PRLR: variants seen among roughly 807,000 people sequenced by gnomAD.
The protein encoded by PRLR is prolactin receptor.
In PRLR, 13 loss-of-function variants were observed where a neutral mutation model predicts 40.2. That is an observed-to-expected ratio of 0.32 (90% CI 0.21 to 0.51). The LOEUF (loss-of-function observed/expected upper bound fraction) is 0.51, where lower values mean the gene tolerates loss of function less well. Ranked by LOEUF, PRLR falls within the 20% of genes least tolerant of loss-of-function variation. PRLR has a pLI of 0.97. For synonymous variants in PRLR, 269 were observed against 278.7 expected (o/e 0.97, Z 0.35); for missense variants, 656 against 747.3 (o/e 0.88, Z 1.42).
intron 1 of PRLR, among the ~76,000 whole-genome samples, chr5:35,186,071 A>G (rs1775421539): frequency 6.6e-6 from 1 of 152,154 alleles, no homozygotes. Context: ...GATGTACCAC[A>G]TAGACCCTCG....
intron 2 of PRLR, among the ~76,000 whole-genome samples, chr5:35,117,793 G>C (rs1475996643): frequency 6.6e-6 from 1 of 152,192 alleles, no homozygotes; most frequent in African/African-American, 2.4e-5. Context: ...AATCTCTCAT[G>C]ATTGCACCAC....
chr5:35,173,987 C>T (rs1037701792), intron 1 of PRLR, among the ~76,000 whole-genome samples: 1 of 152,134 alleles, frequency 6.6e-6, no homozygotes, highest in Non-Finnish European at 1.5e-5. Flanking sequence ...CCTCCTTCCC[C>T]CCACCCCACA....
intron 2 of PRLR, among the ~76,000 whole-genome samples, chr5:35,117,640 G>A (rs1352901225): frequency 6.6e-6 from 1 of 152,114 alleles, no homozygotes; most frequent in Non-Finnish European, 1.5e-5. Context: ...AACATTACGG[G>A]GCCCAGAAAG....
rs755706838 is a variant in PRLR, at chr5:35,065,674, G to A, written c.1284C>T (p.Ser428=). The A allele has an allele frequency of 6.2e-7, 1 of 1,614,162 alleles. No homozygotes were observed. Among genetic ancestry groups the A allele is most frequent in the East Asian group, 2.2e-5 (1 of 44,878 alleles). Residue 428 remains serine, a synonymous_variant, in exon 10 of 10, where the codon TCC becomes TCT. Transcript: ENST00000618457. ...LPQPSQHNPR[S]SYHNITDVCE... Reference sequence around the variant, plus strand: ...ACACATCAGTAATATTGTGGTAAGAGGATCTGGGGTTGTGCTGGCTGGGCT... The same window carrying A: ...ACACATCAGTAATATTGTGGTAAGAAGATCTGGGGTTGTGCTGGCTGGGCT...
chr5:35,174,760 G>T (rs986288998), intron 1 of PRLR, among the ~76,000 whole-genome samples: 8 of 152,052 alleles, frequency 5.3e-5, no homozygotes, highest in African/African-American at 1.7e-4. Context: ...CTTTACCCTT[G>T]TGAACTCTTT....
rs767557761 is a variant in PRLR, at chr5:35,068,760, T to C, written c.785+19A>G. 7.1e-6 allele frequency: 11 copies of C among 1,542,760 alleles called. No individual in the cohort carries two copies. Among genetic ancestry groups the C allele is most frequent in the Admixed American group, 5.1e-5 (3 of 58,968 alleles). ...TGACTATCATGATTGGGAGGAAAAGTTGAGAGACAGTGAAGTACCTATAGC... is the reference window on the plus strand; with the variant it reads ...TGACTATCATGATTGGGAGGAAAAGCTGAGAGACAGTGAAGTACCTATAGC... On this transcript the variant is annotated intron_variant, in intron 8 of 9. Coordinates refer to ENST00000618457, the MANE Select transcript of PRLR (RefSeq NM_000949.7).
chr5:35,174,676 A>T (rs1013927450), intron 1 of PRLR, among the ~76,000 whole-genome samples: 1 of 152,000 alleles, frequency 6.6e-6, no homozygotes, highest in Non-Finnish European at 1.5e-5. Flanking sequence ...AAGTCCCTCT[A>T]CTTGGGCTCC....
chr5:35,107,086 A>T (rs1213716142), intron 2 of PRLR, among the ~76,000 whole-genome samples: 4 of 152,304 alleles, frequency 2.6e-5, no homozygotes, highest in East Asian at 3.9e-4. Flanking sequence ...TCAAAACCAC[A>T]CAACTACATG....
intron 4 of PRLR, 53 bp from the exon 5 acceptor site, chr5:35,084,692 GT>G (rs1377472415): frequency 4.5e-6 from 7 of 1,542,230 alleles, no homozygotes; most frequent in African/African-American, 2.8e-5. Context: ...AGAGAGTCTA[GT>G]TTTTTTCTTC....
chr5:35,142,723 C>T lies in PRLR; in HGVS notation c.-105-24601G>A, dbSNP rs989373052. 1.3e-5 allele frequency among the ~76,000 whole-genome samples: 2 copies of T among 152,198 alleles called. 1 individual carries two copies. The highest frequency in any genetic ancestry group is 4.1e-4 in the South Asian group (2 of 4,828). ...GCTTCTTCCTTTTGCAAATTAGGAACAGATAGGCAGTATTAAGCGGCAGAT... is the reference window on the plus strand; with the variant it reads ...GCTTCTTCCTTTTGCAAATTAGGAATAGATAGGCAGTATTAAGCGGCAGAT... On this transcript the variant is annotated intron_variant, in intron 1 of 9. Coordinates refer to ENST00000618457, the MANE Select transcript of PRLR (RefSeq NM_000949.7).
intron 1 of PRLR, among the ~76,000 whole-genome samples, chr5:35,150,147 G>A (rs1378126166): frequency 1.3e-5 from 2 of 152,228 alleles, no homozygotes; most frequent in Non-Finnish European, 2.9e-5. Context: ...GCCTCTCAAA[G>A]TGCTAGGATT....
chr5:35,149,087 CAAAT>C (rs1328002077), intron 1 of PRLR, among the ~76,000 whole-genome samples: 2 of 151,998 alleles, frequency 1.3e-5, no homozygotes, highest in Non-Finnish European at 2.9e-5. Flanking sequence ...TCTAAAGCAC[CAAAT>C]AAATAAAGTT....
At chr5:35,174,692 T>C (rs1439496571) in intron 1 of PRLR, among the ~76,000 whole-genome samples, 4 of 152,144 alleles carry the variant, frequency 2.6e-5, no homozygotes. Context: ...GCTCCTTGCC[T>C]CCTGTTGTAT....
chr5:35,128,179 C>G (rs1773532736), intron 1 of PRLR, among the ~76,000 whole-genome samples: 1 of 151,696 alleles, frequency 6.6e-6, no homozygotes. Flanking sequence ...CATCTGTATA[C>G]TAAAATCCAT....
chr5:35,092,001 T>C (rs1053801948), intron 2 of PRLR, among the ~76,000 whole-genome samples: 7 of 152,192 alleles, frequency 4.6e-5, no homozygotes. Context: ...GAGAGCTTTG[T>C]CGAAGCAGGG....
intron 3 of PRLR, among the ~76,000 whole-genome samples, chr5:35,088,776 C>T (rs756912611): frequency 1.3e-5 from 2 of 152,104 alleles, no homozygotes; most frequent in Non-Finnish European, 2.9e-5. Flanking sequence ...CACACACACA[C>T]ACAAAAATAT....
At chr5:35,130,936 C>T (rs1370306251) in intron 1 of PRLR, among the ~76,000 whole-genome samples, 3 of 152,132 alleles carry the variant, frequency 2.0e-5, no homozygotes, top group Non-Finnish European at 2.9e-5. Context: ...GGAGTGCTGC[C>T]ACCACAAGAG....
At chr5:35,215,489 T>C (rs1029365661) in intron 1 of PRLR, among the ~76,000 whole-genome samples, 2 of 152,208 alleles carry the variant, frequency 1.3e-5, no homozygotes, top group Non-Finnish European at 2.9e-5. Flanking sequence ...CCAAGTGTTG[T>C]ACATACCTTG....
At chr5:35,166,274 C>T (rs1053488756) in intron 1 of PRLR, among the ~76,000 whole-genome samples, 4 of 152,120 alleles carry the variant, frequency 2.6e-5, no homozygotes, top group African/African-American at 4.8e-5. Context: ...TTGTCTGATA[C>T]GTGTTATAGC....
Sources: gnomAD v4.1 joint callset for allele counts (sites outside exome capture counted in the v4.1 genomes callset) on GRCh38, gnomAD v4.1.1 for gene constraint, MANE v1.5 for transcripts, NCBI Gene and HGNC (gene_info 2026-07-23, HGNC 2026-07-21) for gene names.